Variants in ZNF362 observed in about 807,000 individuals in gnomAD.
ZNF362 encodes rotund homolog.
In ZNF362, 11 loss-of-function variants were observed where a neutral mutation model predicts 42.9. That is an observed-to-expected ratio of 0.26 (90% confidence interval 0.16 to 0.42). The LOEUF is 0.42. Among genes scored for constraint, ZNF362 ranks in the 20% least tolerant of loss-of-function variants. ZNF362 has a pLI of 1.00. For missense variants in ZNF362, 362 were observed against 576.2 expected, an observed-to-expected ratio of 0.63 and a Z score of 3.81; for synonymous variants, 255 against 257.3, an observed-to-expected ratio of 0.99 and a Z score of 0.09.
chr1:33,272,198 G>A (rs1364208888), intron 2 of ZNF362, among the ~76,000 whole-genome samples: 1 of 152,200 alleles, frequency 6.6e-6, no homozygotes, highest in African/African-American at 2.4e-5. Context: ...GACAGGACTG[G>A]AAGGTGGGCC....
chr1:33,219,940 G>T, the ZNF362 span, among the ~76,000 whole-genome samples: 1 of 152,262 alleles, frequency 6.6e-6, no homozygotes, highest in South Asian at 2.1e-4. Context: ...TTCCAGCTCA[G>T]GGCCCCCTAC....
chr1:33,224,409 A>G, the ZNF362 span, among the ~76,000 whole-genome samples: 1 of 152,224 alleles, frequency 6.6e-6, no homozygotes, highest in East Asian at 1.9e-4. Context: ...AGTGTAAAGG[A>G]TGCAAAAATA....
intron 2 of ZNF362, among the ~76,000 whole-genome samples, chr1:33,272,705 C>G (rs1471182379): frequency 6.6e-6 from 1 of 152,108 alleles, no homozygotes; most frequent in Non-Finnish European, 1.5e-5. Flanking sequence ...CAGATAGTCC[C>G]CTCTGCTTCA....
At position 33,294,397 on chromosome 1, in the gene ZNF362, T is replaced by G. The variant is rs1646102043; in HGVS notation, c.909-540T>G. On this transcript the variant is annotated intron_variant, in intron 6 of 8. Transcript: ENST00000539719. This position sits in a 1 kb window ranked among gnomAD's most constrained non-coding sequence, Gnocchi z 4.2. The stretch of plus-strand genomic sequence containing the variant: ...AGGAAGGACACAGAGGGGCTGAGCT[T>G]CAGGGCCATGCTGTCCCACATTCTC... Among the ~76,000 whole-genome samples, 1 of 152,142 alleles carries G rather than the reference T, an allele frequency of 6.6e-6. No individual in the cohort carries two copies. Among genetic ancestry groups the G allele is most frequent in the African/African-American group, 2.4e-5 (1 of 41,436 alleles).
the ZNF362 span, among the ~76,000 whole-genome samples, chr1:33,198,492 C>A: frequency 6.6e-6 from 1 of 152,092 alleles, no homozygotes; most frequent in African/African-American, 2.4e-5. Context: ...CATGGCAAAA[C>A]CCCATCTCTG....
At chr1:33,253,495 T>C (rs964092260), upstream of ZNF362, among the ~76,000 whole-genome samples, 2 of 151,906 alleles carry the variant, frequency 1.3e-5, no homozygotes, top group Non-Finnish European at 2.9e-5. Context: ...AGAAGTGAGA[T>C]AGCAAGGCCT....
chr1:33,190,876 T>C, the ZNF362 span, among the ~76,000 whole-genome samples: 33 of 152,296 alleles, frequency 2.2e-4, no homozygotes, highest in African/African-American at 7.2e-4. Context: ...CCTGTCAGCT[T>C]CCTGTTCCTG....
chr1:33,185,988 T>G, the ZNF362 span, among the ~76,000 whole-genome samples: 1 of 152,208 alleles, frequency 6.6e-6, no homozygotes, highest in Non-Finnish European at 1.5e-5. Context: ...GTTTATTATA[T>G]ATATTTTTGT....
chr1:33,160,082 T>C, the ZNF362 span: 9 of 1,088,766 alleles, frequency 8.3e-6, no homozygotes, highest in Non-Finnish European at 1.2e-5. Flanking sequence ...AAATGTCACA[T>C]GCAAAAGCAT....
the ZNF362 span, among the ~76,000 whole-genome samples, chr1:33,152,426 G>A: frequency 1.3e-5 from 2 of 152,180 alleles, no homozygotes; most frequent in African/African-American, 2.4e-5. Flanking sequence ...AATTAGCGGC[G>A]CATGGTGGCA....
At chr1:33,210,417 G>T in the ZNF362 span, among the ~76,000 whole-genome samples, 2 of 152,328 alleles carry the variant, frequency 1.3e-5, no homozygotes, top group African/African-American at 4.8e-5. Flanking sequence ...TTGGGGTGAA[G>T]AATTCTGTAG....
intron 4 of ZNF362, among the ~76,000 whole-genome samples, chr1:33,279,477 G>GTT (rs779593225): frequency 7.2e-5 from 10 of 139,600 alleles, no homozygotes; most frequent in Admixed American, 1.4e-4. Context: ...CAAATTTTTA[G>GTT]TTTTTTTTTT....
chr1:33,281,917 C>T lies in ZNF362; in HGVS notation c.908+106C>T. 2 of 1,219,462 alleles carry T rather than the reference C, an allele frequency of 1.6e-6. No individual in the cohort carries two copies. Among genetic ancestry groups the T allele is most frequent in the Non-Finnish European group, 2.3e-6 (2 of 854,752 alleles). The allele number at this position is 1,219,462 out of a possible 1,614,324, so 75.5% of individuals were successfully genotyped here. A position where few individuals can be genotyped will look rare whatever the true frequency, so the allele number is the denominator to read the frequency against. ...GGGGCAAGGACCTTCTCCAGGTGCCCATTGCCCTCGGGGTCACGGCCCTTG... is the reference window on the plus strand; with the variant it reads ...GGGGCAAGGACCTTCTCCAGGTGCCTATTGCCCTCGGGGTCACGGCCCTTG... On this transcript the variant is annotated intron_variant, in intron 6 of 8. Transcript: ENST00000539719. This position sits in a 1 kb window ranked among gnomAD's most constrained non-coding sequence, Gnocchi z 4.8.
chr1:33,129,667 G>C, the ZNF362 span, among the ~76,000 whole-genome samples: 2 of 152,026 alleles, frequency 1.3e-5, no homozygotes, highest in Non-Finnish European at 2.9e-5. The surrounding 1 kb of genome is among the most constrained non-coding windows in gnomAD (Gnocchi z 4.1). Flanking sequence ...TTCCCTTCTC[G>C]AAGAGAAAAC....
At chr1:33,282,142 C>T (rs913469293) in intron 6 of ZNF362, among the ~76,000 whole-genome samples, 2 of 152,192 alleles carry the variant, frequency 1.3e-5, no homozygotes, top group Non-Finnish European at 1.5e-5. Flanking sequence ...GGGTGAGGGA[C>T]CCGACCTCTG....
chr1:33,180,094 A>G, the ZNF362 span, among the ~76,000 whole-genome samples: 4 of 152,158 alleles, frequency 2.6e-5, no homozygotes, highest in Non-Finnish European at 5.9e-5. Context: ...TTGTCAGTGA[A>G]GACAGGAAGT....
At chr1:33,261,983 G>A (rs922203023) in intron 1 of ZNF362, among the ~76,000 whole-genome samples, 5 of 152,228 alleles carry the variant, frequency 3.3e-5, no homozygotes, top group African/African-American at 1.2e-4. Context: ...TGGATGCACA[G>A]GGTGTGCCTG....
chr1:33,220,630 G>A, the ZNF362 span, among the ~76,000 whole-genome samples: 1 of 152,174 alleles, frequency 6.6e-6, no homozygotes, highest in Non-Finnish European at 1.5e-5. Context: ...TCAGGAGTCT[G>A]TCTGGCTTGC....
chr1:33,263,213 C>A (rs1226143081), intron 1 of ZNF362, among the ~76,000 whole-genome samples: 2 of 152,254 alleles, frequency 1.3e-5, no homozygotes, highest in African/African-American at 2.4e-5. Flanking sequence ...TGCACCTACA[C>A]CTGGCCTGGA....
Sources: allele counts gnomAD v4.1 joint callset (sites outside exome capture counted in the v4.1 genomes callset), GRCh38; gene constraint gnomAD v4.1.1; non-coding constraint Gnocchi (gnomAD v3.1); transcripts MANE v1.5; gene names NCBI Gene and HGNC (gene_info 2026-07-23, HGNC 2026-07-21).